CACNA2D1: variants seen among roughly 807,000 people sequenced by gnomAD.
CACNA2D1 encodes the protein calcium voltage-gated channel auxiliary subunit alpha2delta 1, also known as voltage-dependent calcium channel subunit alpha-2/delta-1.
In CACNA2D1, 53 loss-of-function variants were observed where a neutral mutation model predicts 171.5. The ratio of observed to expected loss-of-function variants is 0.31; its 90% CI spans 0.25 to 0.39. The LOEUF (loss-of-function observed/expected upper bound fraction) is 0.39, where lower values mean the gene tolerates loss of function less well. CACNA2D1 is among the 10% of genes least tolerant of loss of function. The pLI, the probability that CACNA2D1 is intolerant of heterozygous loss-of-function variation, is 1.00. For synonymous variants in CACNA2D1, 442 were observed against 443.1 expected (o/e 1.00, Z 0.03); for missense variants, 903 against 1,299.8 (o/e 0.69, Z 4.69).
At chr7:82,315,663 A>G (rs1012047830) in intron 3 of CACNA2D1, among the ~76,000 whole-genome samples, 3 of 152,180 alleles carry the variant, frequency 2.0e-5, no homozygotes, top group African/African-American at 4.8e-5. Context: ...GTTTTTAAAA[A>G]TTAACCTGCT....
Position 82,443,533 on chromosome 7 carries a change from G to A in CACNA2D1, c.-74C>T, listed in dbSNP as rs1830675912. The A allele has an allele frequency of 7.7e-6, 12 of 1,564,974 alleles. No homozygotes were observed. The highest frequency in any genetic ancestry group is 8.6e-6 in the Non-Finnish European group (10 of 1,156,224). The stretch of plus-strand genomic sequence containing the variant: ...AGCGGCGCTGGAAACCGCGGGCGGA[G>A]GAAGAGCAGCACACGCCGCCGGGAC... On this transcript the variant is annotated 5_prime_UTR_variant, in exon 1 of 39. Coordinates refer to ENST00000356860, the MANE Select transcript of CACNA2D1 (RefSeq NM_000722.4).
At chr7:82,200,062 T>G (rs779559614) in intron 3 of CACNA2D1, among the ~76,000 whole-genome samples, 4 of 152,080 alleles carry the variant, frequency 2.6e-5, no homozygotes, top group African/African-American at 7.2e-5. Context: ...AGCATTTTCC[T>G]GGGTTGGAGA....
At chr7:82,332,510 T>TAAAGAAAGAAAGAAAGAGAAAG (rs1554514822) in intron 3 of CACNA2D1, among the ~76,000 whole-genome samples, 4 of 92,650 alleles carry the variant, frequency 4.3e-5, no homozygotes, top group South Asian at 4.0e-4. Context: ...AAAAGAAATA[T>TAAAGAAAGAAAGAAAGAGAAAG]AAAGAAAGAA....
chr7:82,321,378 G>A (rs1027095022), intron 3 of CACNA2D1, among the ~76,000 whole-genome samples: 4 of 152,042 alleles, frequency 2.6e-5, no homozygotes, highest in Admixed American at 6.6e-5. Flanking sequence ...CAGCCTGGGT[G>A]ACAGAGCAAG....
intron 3 of CACNA2D1, among the ~76,000 whole-genome samples, chr7:82,254,411 A>G (rs1184155846): frequency 6.6e-6 from 1 of 152,042 alleles, no homozygotes; most frequent in Non-Finnish European, 1.5e-5. Context: ...CTGATGTATA[A>G]CTGATAAGTA....
intron 3 of CACNA2D1, among the ~76,000 whole-genome samples, chr7:82,314,732 A>G (rs1252712269): frequency 6.6e-6 from 1 of 152,120 alleles, no homozygotes; most frequent in African/African-American, 2.4e-5. Context: ...CTCCGGACTA[A>G]AAAAAGACCC....
At position 82,350,664 on chromosome 7, in the gene CACNA2D1, C is replaced by CA. The variant is rs558356006; in HGVS notation, c.96-1016dup. 4.7e-4 allele frequency among the ~76,000 whole-genome samples: 71 copies of CA among 151,816 alleles called. 1 individual carries two copies. In the East Asian group the frequency reaches 8.3e-3, roughly 18 times the overall value. The stretch of plus-strand genomic sequence containing the variant: ...CGGGCGACAGAGTGAGACTCCGTCT[C>CA]AAAAAAACAAAAACAAAACAACAAC... On this transcript the variant is annotated intron_variant, in intron 1 of 38. Transcript: ENST00000356860.
intron 5 of CACNA2D1, among the ~76,000 whole-genome samples, chr7:82,129,886 A>G (rs1170306891): frequency 6.6e-6 from 1 of 152,154 alleles, no homozygotes; most frequent in Admixed American, 6.5e-5. Context: ...GATATAAAAC[A>G]TTTGGTCCTG....
At chr7:82,166,153 G>A (rs550131101) in intron 4 of CACNA2D1, among the ~76,000 whole-genome samples, 1 of 151,914 alleles carries the variant, frequency 6.6e-6, no homozygotes, top group Non-Finnish European at 1.5e-5. Flanking sequence ...AGTTTAACTC[G>A]CATAAACACA....
At chr7:82,274,814 T>C (rs1809104412) in intron 3 of CACNA2D1, among the ~76,000 whole-genome samples, 1 of 152,000 alleles carries the variant, frequency 6.6e-6, no homozygotes, top group Non-Finnish European at 1.5e-5. Flanking sequence ...CTGACATACA[T>C]TAAGCACCCA....
At chr7:82,352,989 GGAGA>G (rs1448342977) in intron 1 of CACNA2D1, among the ~76,000 whole-genome samples, 1 of 152,052 alleles carries the variant, frequency 6.6e-6, no homozygotes, top group Admixed American at 6.6e-5. Flanking sequence ...TCAAAATAAC[GGAGA>G]GATATTAGAA....
intron 4 of CACNA2D1, among the ~76,000 whole-genome samples, chr7:82,146,369 C>T (rs1326557914): frequency 8.1e-6 from 1 of 122,784 alleles, no homozygotes; most frequent in Non-Finnish European, 1.8e-5. Flanking sequence ...TATATCTTTA[C>T]ATATACATAT....
At chr7:82,299,060 CA>C (rs11438533) in intron 3 of CACNA2D1, among the ~76,000 whole-genome samples, 112 of 111,842 alleles carry the variant, frequency 1.0e-3, no homozygotes, top group East Asian at 2.9e-3. Flanking sequence ...GAGACTCTGT[CA>C]AAAAAAAAAA....
chr7:82,115,377 GA>G (rs1238748517), intron 6 of CACNA2D1, among the ~76,000 whole-genome samples: 1 of 151,864 alleles, frequency 6.6e-6, no homozygotes, highest in African/African-American at 2.4e-5. Context: ...AGTAACTACA[GA>G]AAAATAATAC....
chr7:82,239,131 C>G (rs1407087484), intron 3 of CACNA2D1, among the ~76,000 whole-genome samples: 1 of 151,930 alleles, frequency 6.6e-6, no homozygotes, highest in African/African-American at 2.4e-5. Flanking sequence ...CCCTTTTTCT[C>G]TAATATCTTT....
intron 3 of CACNA2D1, among the ~76,000 whole-genome samples, chr7:82,320,789 T>A (rs928778973): frequency 6.6e-6 from 1 of 151,988 alleles, no homozygotes; most frequent in African/African-American, 2.4e-5. Context: ...TTCTCATATA[T>A]GTGTAAAGAT....
At chr7:82,012,823 G>A (rs536773999) in intron 14 of CACNA2D1, among the ~76,000 whole-genome samples, 88 of 152,042 alleles carry the variant, frequency 5.8e-4, no homozygotes, top group East Asian at 1.9e-3. Context: ...TTTTGACTTC[G>A]TTTATTTTGT....
chr7:82,111,212 T>C (rs1482559494), intron 6 of CACNA2D1, among the ~76,000 whole-genome samples: 2 of 150,118 alleles, frequency 1.3e-5, no homozygotes, highest in South Asian at 4.2e-4. Context: ...GGTAATACCA[T>C]GTCTAAAAAA....
At chr7:82,396,937 A>G (rs537353900) in intron 1 of CACNA2D1, among the ~76,000 whole-genome samples, 2 of 152,348 alleles carry the variant, frequency 1.3e-5, no homozygotes, top group East Asian at 1.9e-4. Flanking sequence ...TAGAGATTAA[A>G]GTCCAGTCAC....
Sources: gnomAD v4.1 joint callset for allele counts (sites outside exome capture counted in the v4.1 genomes callset) on GRCh38, gnomAD v4.1.1 for gene constraint, MANE v1.5 for transcripts, NCBI Gene and HGNC (gene_info 2026-07-23, HGNC 2026-07-21) for gene names.